A2M: variants seen among roughly 807,000 people sequenced by gnomAD.
A2M encodes the protein C3 and PZP-like alpha-2-macroglobulin domain-containing protein 5.
In A2M, 128 loss-of-function variants were observed where a neutral mutation model predicts 183.9. That is an observed-to-expected ratio of 0.70 (90% CI 0.60 to 0.81). The LOEUF (loss-of-function observed/expected upper bound fraction) is 0.81, where lower values mean the gene tolerates loss of function less well. Among genes scored for constraint, A2M ranks in the 30% least tolerant of loss-of-function variants. The probability of loss-of-function intolerance (pLI) is 0.00; values close to 1 mark genes in which losing one functional copy is unlikely to be tolerated. For missense variants in A2M, 1,495 were observed against 1,787.6 expected, an observed-to-expected ratio of 0.84 and a Z score of 2.95; for synonymous variants, 592 against 670.8, an observed-to-expected ratio of 0.88 and a Z score of 1.81.
chr12:9,103,375 A>G (rs1185366291), intron 11 of A2M, among the ~76,000 whole-genome samples: 13 of 152,154 alleles, frequency 8.5e-5, no homozygotes, highest in Non-Finnish European at 1.5e-5. Flanking sequence ...ACTTTATCTG[A>G]TTCAGATTCT....
intron 28 of A2M, among the ~76,000 whole-genome samples, chr12:9,075,240 G>C (rs1948710558): frequency 6.6e-6 from 1 of 152,094 alleles, no homozygotes; most frequent in Admixed American, 6.6e-5. Context: ...AAATACCAAA[G>C]GCTGACATGG....
At position 9,098,649 on chromosome 12, in the gene A2M, G is replaced by A. The variant is rs776173889; in HGVS notation, c.1809C>T (p.Ser603=). The A allele has an allele frequency of 7.0e-5, 112 of 1,609,598 alleles. No homozygotes were observed. The highest frequency in any genetic ancestry group is 3.3e-4 in the Middle Eastern group (2 of 6,016). ...SVCALRAVDQ[S]VLLMKPDAEL... ...CAGCATCAGGCTTCATGAGCAGCAC[G>A]CTTTGGTCCACAGCACGGAGGGCGC... is the stretch of plus-strand genomic sequence containing the variant. Residue 603 remains serine, a synonymous_variant, in exon 15 of 36, where the codon AGC becomes AGT. Transcript: ENST00000318602.
chr12:9,077,061 A>T (rs1948770004), intron 27 of A2M, 125 bp from the exon 28 acceptor site: 1 of 778,968 alleles, frequency 1.3e-6, no homozygotes, highest in Non-Finnish European at 2.0e-6. Flanking sequence ...CCTCATTCTT[A>T]TCAATAGATA....
At chr12:9,072,245 T>C (rs1948599757) in intron 31 of A2M, 114 bp downstream of exon 31, 1 of 1,265,958 alleles carries the variant, frequency 7.9e-7, no homozygotes, top group African/African-American at 1.5e-5. Context: ...ATACATTGCA[T>C]TTTTTGTGAA....
chr12:9,106,410 C>G (rs1024561326), intron 9 of A2M, 65 bp from the exon 10 acceptor site: 6 of 1,430,188 alleles, frequency 4.2e-6, no homozygotes, highest in Middle Eastern at 1.8e-4. Context: ...TCTATCACCT[C>G]CCCCCAACTT....
chr12:9,101,636 C>G lies in A2M; in HGVS notation c.1305G>C (p.Gln435His). 6.2e-7 allele frequency: 1 copy of G among 1,613,964 alleles called. No homozygotes were observed. The highest frequency in any genetic ancestry group is 2.2e-5 in the East Asian group (1 of 44,888). ...CCTCTTCGTGTTCTTCTGACACCCACTGGTAGCCGTAACAGGGACTACGAT... is the reference window on the plus strand; with the variant it reads ...CCTCTTCGTGTTCTTCTGACACCCAGTGGTAGCCGTAACAGGGACTACGAT... ...YKDRSPCYGY[Q>H]WVSEEHEEAH... Residue 435 changes from glutamine to histidine, a missense_variant, in exon 12 of 36, where the codon CAG (glutamine) becomes CAC (histidine). By Grantham distance (24) the Gln-to-His change is conservative. Coordinates refer to ENST00000318602, the MANE Select transcript of A2M (RefSeq NM_000014.6).
At position 9,074,087 on chromosome 12, in the gene A2M, TAA is replaced by T. The variant is rs3080599; in HGVS notation, c.3756+471_3756+472del. Among the ~76,000 whole-genome samples the T allele has an allele frequency of 1.1e-3, 141 of 131,564 alleles. 2 individuals are homozygous for T. The highest frequency in any genetic ancestry group is 3.6e-3 in the African/African-American group (128 of 35,610). 86.3% of individuals were successfully genotyped at this position (131,564 alleles called of 152,430 possible). A position where few individuals can be genotyped will look rare whatever the true frequency, so the allele number is the denominator to read the frequency against. On this transcript the variant is annotated intron_variant, in intron 29 of 35. Transcript: ENST00000318602. ...TAGGTGACAGAGCAAGACTCTGTCT[TAA>T]AAAAAAAAAAAAAAAAAAGGTGAAT... is the stretch of plus-strand genomic sequence containing the variant.
chr12:9,070,775 T>C (rs1948547630), intron 31 of A2M, among the ~76,000 whole-genome samples, 197 bp from the exon 32 acceptor site: 1 of 152,088 alleles, frequency 6.6e-6, no homozygotes, highest in African/African-American at 2.4e-5. Context: ...CAGGCCCTAC[T>C]CTAGACCTGA....
chr12:9,094,779 C>G (rs1282321288), intron 17 of A2M, among the ~76,000 whole-genome samples, 194 bp downstream of exon 17: 1 of 152,098 alleles, frequency 6.6e-6, no homozygotes, highest in Admixed American at 6.5e-5. Context: ...TTTCTCTTTC[C>G]TTTCAGCCTA....
chr12:9,095,621 T>C lies in A2M; in HGVS notation c.1931A>G (p.Asn644Ser), dbSNP rs1349722650. 1.9e-6 allele frequency: 3 copies of C among 1,611,786 alleles called. No homozygotes were observed. The East Asian group carries it at 6.7e-5, about 36-fold the overall frequency. ...LNDQDNEDCINRHNVYINGIT... is the reference protein window; with the variant it reads ...LNDQDNEDCISRHNVYINGIT... Reference sequence around the variant, plus strand: ...TCCATTAATATAGACATTATGACGATTGATGCAGTCTTCATTGTCCTGGTC... The same window carrying C: ...TCCATTAATATAGACATTATGACGACTGATGCAGTCTTCATTGTCCTGGTC... The change falls in exon 16 of 36, where the codon AAT (asparagine) becomes AGT (serine). Residue 644 changes from asparagine to serine, a missense_variant. Physicochemically the swap from Asn to Ser is conservative, Grantham distance 46 (BLOSUM62 1). Coordinates refer to ENST00000318602, the MANE Select transcript of A2M (RefSeq NM_000014.6).
intron 22 of A2M, among the ~76,000 whole-genome samples, chr12:9,084,921 A>T (rs141971425): frequency 7.9e-5 from 12 of 152,124 alleles, no homozygotes; most frequent in African/African-American, 2.9e-4. Flanking sequence ...CAAAAACTGT[A>T]CAAAGAGACA....
intron 8 of A2M, among the ~76,000 whole-genome samples, chr12:9,107,257 G>T (rs907396640): frequency 1.3e-5 from 2 of 152,088 alleles, no homozygotes; most frequent in African/African-American, 2.4e-5. Context: ...GAGGTGTATG[G>T]TTTTTTCCTT....
chr12:9,109,870 A>G lies in A2M; in HGVS notation c.670T>C (p.Phe224Leu). 1 of 1,596,412 alleles carries G rather than the reference A, an allele frequency of 6.3e-7. No individual in the cohort carries two copies. Among genetic ancestry groups the G allele is most frequent in the Non-Finnish European group, 8.5e-7 (1 of 1,173,922 alleles). ...GATGACTTTTCATGATCCATACCAA[A>G]TTCCTCCACGGTGAAAGGGTGCTCT... is the stretch of plus-strand genomic sequence containing the variant. ...RTEHPFTVEE[F>L]VLPKFEVQVT... Residue 224 changes from phenylalanine (F) to leucine (L), a missense_variant, in exon 6 of 36, where the codon TTT (phenylalanine) becomes CTT (leucine). By Grantham distance (22) the Phe-to-Leu change is conservative. Coordinates refer to ENST00000318602, the MANE Select transcript of A2M (RefSeq NM_000014.6).
intron 6 of A2M, 111 bp downstream of exon 6, chr12:9,109,756 G>T: frequency 1.9e-6 from 2 of 1,080,284 alleles, no homozygotes; most frequent in South Asian, 1.8e-5. Context: ...TCTACTCCAA[G>T]CCCAATGTCA....
In A2M at chr12:9,079,757, G is replaced by A; in HGVS notation, c.2913C>T (p.Gly971=). The A allele has an allele frequency of 6.2e-7, 1 of 1,613,306 alleles. No homozygotes were observed. Among genetic ancestry groups the A allele is most frequent in the Non-Finnish European group, 8.5e-7 (1 of 1,179,634 alleles). The change falls in exon 24 of 36, where the codon GGC becomes GGT. Residue 971 remains glycine (G), a synonymous_variant. Coordinates refer to ENST00000318602, the MANE Select transcript of A2M (RefSeq NM_000014.6). ...AGAGGACCATATTCTGCTCTCCACAGCCATAGGGCATCTGGAGAAGATTTT... is the reference window on the plus strand; with the variant it reads ...AGAGGACCATATTCTGCTCTCCACAACCATAGGGCATCTGGAGAAGATTTT... ...NTQNLLQMPY[G]CGEQNMVLFA... is the part of the protein sequence containing the mutation.
chr12:9,089,684 T>C (rs774104285), intron 21 of A2M, among the ~76,000 whole-genome samples: 37 of 152,206 alleles, frequency 2.4e-4, no homozygotes, highest in African/African-American at 8.7e-4. Context: ...GAGGTTGCAG[T>C]GAGCAGAGAT....
chr12:9,069,152 T>C, intron 33 of A2M: 1 of 201,898 alleles, frequency 5.0e-6, no homozygotes, highest in Non-Finnish European at 9.9e-6. Context: ...AGATTTGGTA[T>C]AGTTTGACTT....
chr12:9,076,307 T>C (rs1271778472), intron 28 of A2M, among the ~76,000 whole-genome samples: 1 of 152,234 alleles, frequency 6.6e-6, no homozygotes, highest in East Asian at 1.9e-4. Flanking sequence ...AATTCATTTA[T>C]TACAACAGCT....
chr12:9,093,672 A>G, intron 17 of A2M, 93 bp from the exon 18 acceptor site: 1 of 717,070 alleles, frequency 1.4e-6, no homozygotes, highest in Non-Finnish European at 2.1e-6. Flanking sequence ...AAAAACAAAA[A>G]ACAAATCGTC....
Sources: gnomAD v4.1 joint callset for allele counts (sites outside exome capture counted in the v4.1 genomes callset) on GRCh38, gnomAD v4.1.1 for gene constraint, MANE v1.5 for transcripts, NCBI Gene and HGNC (gene_info 2026-07-23, HGNC 2026-07-21) for gene names.